SOX5: variants seen among roughly 807,000 people sequenced by gnomAD.
The protein encoded by SOX5 is transcription factor SOX-5.
In SOX5, 9 loss-of-function variants were observed where a neutral mutation model predicts 92.0. The observed-to-expected ratio is 0.10, with a 90% CI of 0.06 to 0.17. SOX5 has a LOEUF of 0.17. SOX5 is among the 10% of genes least tolerant of loss of function. SOX5 has a pLI of 1.00. For synonymous variants in SOX5, 344 were observed against 336.3 expected, an observed-to-expected ratio of 1.02 and a Z score of -0.25; for missense variants, 642 against 944.5, an observed-to-expected ratio of 0.68 and a Z score of 4.20.
chr12:24,087,786 GA>G (rs1944187145), intron 4 of SOX5, among the ~76,000 whole-genome samples: 1 of 151,578 alleles, frequency 6.6e-6, no homozygotes, highest in African/African-American at 2.4e-5. Flanking sequence ...TTTTGTATAG[GA>G]AATCTTCCTT....
intron 2 of SOX5, among the ~76,000 whole-genome samples, chr12:24,283,176 T>C (rs929295137): frequency 6.6e-6 from 1 of 152,234 alleles, no homozygotes; most frequent in Admixed American, 6.5e-5. Context: ...CCTCAAAGGA[T>C]TAACAAGATT....
chr12:24,435,329 C>T (rs1342419474), intron 1 of SOX5, among the ~76,000 whole-genome samples: 1 of 152,202 alleles, frequency 6.6e-6, no homozygotes, highest in Middle Eastern at 3.2e-3. Flanking sequence ...CCTGTAGTGT[C>T]ACTCTCTACA....
chr12:24,152,765 T>C (rs1951782297), intron 4 of SOX5, among the ~76,000 whole-genome samples: 1 of 152,098 alleles, frequency 6.6e-6, no homozygotes, highest in Admixed American at 6.6e-5. Flanking sequence ...GATAGTATTG[T>C]TTTATTTGAT....
chr12:24,440,954 T>C (rs779380572), intron 1 of SOX5, among the ~76,000 whole-genome samples: 34 of 152,214 alleles, frequency 2.2e-4, no homozygotes, highest in Non-Finnish European at 4.1e-4. Context: ...GACTTTGCCA[T>C]GACCTGGGTC....
intron 2 of SOX5, among the ~76,000 whole-genome samples, chr12:24,362,228 C>G (rs1955657124): frequency 1.3e-5 from 2 of 152,192 alleles, no homozygotes; most frequent in South Asian, 4.1e-4. Flanking sequence ...AAGTACGTTA[C>G]AGAAGTCATA....
intron 1 of SOX5, among the ~76,000 whole-genome samples, chr12:24,454,792 ATTTT>A (rs796260799): frequency 6.6e-6 from 1 of 152,022 alleles, no homozygotes; most frequent in Non-Finnish European, 1.5e-5. Flanking sequence ...ATAATAACTA[ATTTT>A]TTTTCATGAC....
At chr12:24,538,497 G>C (rs545842270) in intron 1 of SOX5, among the ~76,000 whole-genome samples, 4 of 151,722 alleles carry the variant, frequency 2.6e-5, no homozygotes, top group Non-Finnish European at 5.9e-5. Context: ...TATGTTCGCC[G>C]GTCAGATCAG....
intron 6 of SOX5, among the ~76,000 whole-genome samples, chr12:23,728,997 A>T (rs992166423): frequency 3.3e-5 from 5 of 152,018 alleles, no homozygotes; most frequent in Admixed American, 3.3e-4. Context: ...CACTGAACTC[A>T]CAGTTTTTAG....
At chr12:24,308,704 A>T (rs476087) in intron 2 of SOX5, among the ~76,000 whole-genome samples, 18,110 of 152,250 alleles carry the variant, frequency 0.12, 1,429 homozygotes, top group Non-Finnish European at 0.17. Flanking sequence ...GCTGAAATTT[A>T]AAAAAAGTAC....
chr12:24,180,594 T>A (rs12816802), intron 4 of SOX5, among the ~76,000 whole-genome samples: 1 of 152,212 alleles, frequency 6.6e-6, no homozygotes, highest in Non-Finnish European at 1.5e-5. Context: ...TTTATAACTG[T>A]CGTTACTATG....
At position 23,767,857 on chromosome 12, in the gene SOX5, A is replaced by G. The variant is rs374930320; in HGVS notation, c.482-12133T>C. 3.3e-5 allele frequency among the ~76,000 whole-genome samples: 5 copies of G among 152,132 alleles called. No homozygotes were observed. The South Asian group carries it at 6.2e-4, about 19-fold the overall frequency. Reference sequence around the variant, plus strand: ...TATATATATATAATAAATGATAAAGATACAGATCTGTAGATTTATATCACC... The same window carrying G: ...TATATATATATAATAAATGATAAAGGTACAGATCTGTAGATTTATATCACC... On this transcript the variant is annotated intron_variant, in intron 3 of 14. Coordinates refer to ENST00000451604, the MANE Select transcript of SOX5 (RefSeq NM_006940.6).
chr12:24,347,359 A>T (rs182636916), intron 2 of SOX5, among the ~76,000 whole-genome samples: 94 of 152,314 alleles, frequency 6.2e-4, no homozygotes, highest in African/African-American at 2.0e-3. Flanking sequence ...TGCTGGAACC[A>T]ATCCTTCAAG....
chr12:23,556,650 T>G (rs1213056047), intron 11 of SOX5, among the ~76,000 whole-genome samples: 3 of 152,216 alleles, frequency 2.0e-5, no homozygotes, highest in Admixed American at 6.5e-5. Flanking sequence ...GAAATATCTA[T>G]TTCTAATTTG....
chr12:24,498,573 T>C (rs74070909), intron 1 of SOX5, among the ~76,000 whole-genome samples: 1,553 of 152,330 alleles, frequency 0.01, 19 homozygotes, highest in African/African-American at 0.034. Context: ...CTTACCTTTA[T>C]TCATTCAGCT....
intron 3 of SOX5, among the ~76,000 whole-genome samples, chr12:23,799,646 T>C (rs963886006): frequency 1.3e-5 from 2 of 152,092 alleles, no homozygotes; most frequent in African/African-American, 4.8e-5. Context: ...CTAAAATGCT[T>C]ATTTCACAAT....
intron 4 of SOX5, among the ~76,000 whole-genome samples, chr12:24,075,567 C>T (rs1942465480): frequency 6.6e-6 from 1 of 151,818 alleles, no homozygotes; most frequent in South Asian, 2.1e-4. Flanking sequence ...CAAAGCTGCC[C>T]AAAAGTTTTT....
chr12:23,543,100 A>C (rs1266827161), intron 13 of SOX5, 111 bp downstream of exon 13: 4 of 786,514 alleles, frequency 5.1e-6, no homozygotes, highest in Non-Finnish European at 8.0e-6. Context: ...TTTCTGGATA[A>C]GCAAATAACA....
intron 2 of SOX5, among the ~76,000 whole-genome samples, chr12:23,881,689 G>A (rs1484147001): frequency 6.6e-6 from 1 of 152,194 alleles, no homozygotes; most frequent in Non-Finnish European, 1.5e-5. Flanking sequence ...TTATCCCTAA[G>A]AAAGCTGGTG....
At chr12:23,806,801 T>C (rs1421879499) in intron 3 of SOX5, among the ~76,000 whole-genome samples, 2 of 152,022 alleles carry the variant, frequency 1.3e-5, no homozygotes, top group African/African-American at 4.8e-5. Context: ...CCTCTAAACT[T>C]TTCCAGTCAC....
Sources: gnomAD v4.1 joint callset for allele counts (sites outside exome capture counted in the v4.1 genomes callset) on GRCh38, gnomAD v4.1.1 for gene constraint, MANE v1.5 for transcripts, NCBI Gene and HGNC (gene_info 2026-07-23, HGNC 2026-07-21) for gene names.